The following NRG3 variants were observed in gnomAD, a reference collection of about 807,000 sequenced individuals.
NRG3 encodes neuregulin 3, also known as pro-neuregulin-3, membrane-bound isoform.
In NRG3, 31 loss-of-function variants were observed where a neutral mutation model predicts 66.9. The observed-to-expected ratio is 0.46, with a 90% confidence interval of 0.35 to 0.63. The LOEUF (loss-of-function observed/expected upper bound fraction) is 0.63, where lower values mean the gene tolerates loss of function less well. Among genes scored for constraint, NRG3 ranks in the 20% least tolerant of loss-of-function variants. The pLI is 0.00. For missense variants in NRG3, 910 were observed against 878.9 expected, an observed-to-expected ratio of 1.04 and a Z score of -0.45; for synonymous variants, 393 against 359.4, an observed-to-expected ratio of 1.09 and a Z score of -1.06.
At chr10:82,090,399 T>C (rs1242966250) in intron 1 of NRG3, among the ~76,000 whole-genome samples, 1 of 152,242 alleles carries the variant, frequency 6.6e-6, no homozygotes, top group Non-Finnish European at 1.5e-5. Context: ...TGCTACACTT[T>C]ATTTAATTGG....
In NRG3 at chr10:82,170,122, AT is replaced by A. The variant is rs1280578349; in HGVS notation, c.824-188616del. ...ATGTTAGTTTCTGGTTCACTTTTCTATATCCAAATTCTATACTCAACACATT... is the reference window on the plus strand; with the variant it reads ...ATGTTAGTTTCTGGTTCACTTTTCTAATCCAAATTCTATACTCAACACATT... On this transcript the variant is annotated intron_variant, in intron 1 of 8. Coordinates refer to ENST00000372141, the MANE Select transcript of NRG3 (RefSeq NM_001010848.4). Among the ~76,000 whole-genome samples, 6 of 151,784 alleles carry A rather than the reference AT, an allele frequency of 4.0e-5. No homozygotes were observed. In the South Asian group the frequency reaches 8.3e-4, roughly 21 times the overall value.
intron 2 of NRG3, among the ~76,000 whole-genome samples, chr10:82,487,288 A>C (rs1842764147): frequency 6.6e-6 from 1 of 152,090 alleles, no homozygotes; most frequent in South Asian, 2.1e-4. Flanking sequence ...ATGTAAATGC[A>C]TTTTAAAATG....
chr10:82,036,769 C>T (rs558275800), intron 1 of NRG3, among the ~76,000 whole-genome samples: 1 of 152,212 alleles, frequency 6.6e-6, no homozygotes, highest in East Asian at 1.9e-4. Context: ...GTCTTTACAT[C>T]TATAACTAAA....
chr10:82,515,103 G>A (rs995468330), intron 2 of NRG3, among the ~76,000 whole-genome samples: 1 of 152,100 alleles, frequency 6.6e-6, no homozygotes, highest in Non-Finnish European at 1.5e-5. Flanking sequence ...ATTTTTGCTA[G>A]TCTGTTGGAG....
At chr10:82,717,655 G>A (rs992013975) in intron 2 of NRG3, among the ~76,000 whole-genome samples, 5 of 151,992 alleles carry the variant, frequency 3.3e-5, no homozygotes, top group South Asian at 4.2e-4. Context: ...CGCCTGCCTC[G>A]ACCTCCCAAA....
intron 3 of NRG3, among the ~76,000 whole-genome samples, chr10:82,784,858 T>G (rs2060277653): frequency 6.6e-6 from 1 of 152,136 alleles, no homozygotes; most frequent in Non-Finnish European, 1.5e-5. Flanking sequence ...TTACTGGGTA[T>G]ATACCCAAAG....
At chr10:81,903,270 C>T (rs1294803290) in intron 1 of NRG3, among the ~76,000 whole-genome samples, 3 of 152,048 alleles carry the variant, frequency 2.0e-5, no homozygotes, top group East Asian at 1.9e-4. Context: ...CCACCTGACC[C>T]GCGGGTACAC....
At chr10:82,533,454 T>G (rs1847499191) in intron 2 of NRG3, among the ~76,000 whole-genome samples, 2 of 97,280 alleles carry the variant, frequency 2.1e-5, no homozygotes, top group South Asian at 5.3e-4. Context: ...TCCGTTTTGA[T>G]TTTTTTTTTG....
At chr10:82,219,197 T>G (rs1006959415) in intron 1 of NRG3, among the ~76,000 whole-genome samples, 1 of 150,434 alleles carries the variant, frequency 6.6e-6, no homozygotes, top group African/African-American at 2.5e-5. Flanking sequence ...TTAACATTAT[T>G]AAATTTTTAG....
intron 2 of NRG3, among the ~76,000 whole-genome samples, chr10:82,364,458 A>G (rs2084392896): frequency 6.6e-6 from 1 of 152,228 alleles, no homozygotes; most frequent in East Asian, 1.9e-4. Flanking sequence ...TCTGAATAAA[A>G]TCAGAATATT....
intron 1 of NRG3, among the ~76,000 whole-genome samples, chr10:82,298,317 C>T (rs1344082062): frequency 2.0e-5 from 3 of 151,774 alleles, no homozygotes; most frequent in African/African-American, 2.4e-5. Context: ...GGAATCTAAT[C>T]CTCAGATCTA....
At chr10:81,982,836 C>T (rs774187556) in intron 1 of NRG3, among the ~76,000 whole-genome samples, 3 of 152,092 alleles carry the variant, frequency 2.0e-5, no homozygotes, top group Admixed American at 1.3e-4. Flanking sequence ...TGGGAGTTAG[C>T]GTTTCAACAT....
intron 1 of NRG3, among the ~76,000 whole-genome samples, chr10:81,988,926 G>C (rs561118271): frequency 6.6e-6 from 1 of 151,844 alleles, no homozygotes; most frequent in Non-Finnish European, 1.5e-5. Context: ...ATAAGGAAAG[G>C]CTGGGTAGAA....
chr10:82,132,398 GATGA>G (rs1215534558), intron 1 of NRG3, among the ~76,000 whole-genome samples: 2 of 136,152 alleles, frequency 1.5e-5, no homozygotes, highest in African/African-American at 5.3e-5. Flanking sequence ...AAGTGGTCAT[GATGA>G]ATGATTGTTT....
At chr10:82,442,890 C>T (rs750234063) in intron 2 of NRG3, among the ~76,000 whole-genome samples, 6 of 144,998 alleles carry the variant, frequency 4.1e-5, no homozygotes, top group Non-Finnish European at 1.5e-5. Flanking sequence ...CCTGTTATGC[C>T]AGCTGGTTTT....
chr10:82,286,273 A>T (rs1261982287), intron 1 of NRG3, among the ~76,000 whole-genome samples: 2 of 152,208 alleles, frequency 1.3e-5, no homozygotes. Context: ...ATAGTGAAAA[A>T]GTAGCAACTA....
At chr10:82,576,390 G>T (rs556170554) in intron 2 of NRG3, among the ~76,000 whole-genome samples, 1 of 151,082 alleles carries the variant, frequency 6.6e-6, no homozygotes, top group African/African-American at 2.4e-5. Context: ...AATAATTCCT[G>T]CTCCCCTCCC....
chr10:82,583,244 C>G (rs17100270), intron 2 of NRG3, among the ~76,000 whole-genome samples: 1,626 of 152,094 alleles, frequency 0.011, 24 homozygotes, highest in African/African-American at 0.036. Context: ...ACAAAACAAT[C>G]AATAGTAAGG....
chr10:82,524,722 T>C (rs759858967), intron 2 of NRG3, among the ~76,000 whole-genome samples: 1 of 151,906 alleles, frequency 6.6e-6, no homozygotes. Flanking sequence ...CTTTTTAATA[T>C]AGAACATTTC....
Sources: gnomAD v4.1 joint callset for allele counts (sites outside exome capture counted in the v4.1 genomes callset) on GRCh38, gnomAD v4.1.1 for gene constraint, MANE v1.5 for transcripts, NCBI Gene and HGNC (gene_info 2026-07-23, HGNC 2026-07-21) for gene names.